The following ZZEF1 variants were observed in gnomAD, a reference collection of about 807,000 sequenced individuals.
ZZEF1 encodes zinc finger ZZ-type and EF-hand domain containing 1.
A neutral mutation model predicts 342.8 loss-of-function variants in ZZEF1; 157 were observed. That is an observed-to-expected ratio of 0.46 (90% confidence interval 0.40 to 0.52). The LOEUF (loss-of-function observed/expected upper bound fraction) is 0.52. Among genes scored for constraint, ZZEF1 ranks in the 20% least tolerant of loss-of-function variants. The probability of loss-of-function intolerance (pLI) is 0.00; values close to 1 mark genes in which losing one functional copy is unlikely to be tolerated. For synonymous variants in ZZEF1, 1,505 were observed against 1,429.1 expected, an observed-to-expected ratio of 1.05 and a Z score of -1.20; for missense variants, 3,480 against 3,725.6, an observed-to-expected ratio of 0.93 and a Z score of 1.72.
At chr17:4,132,195 T>G (rs570687501) in intron 1 of ZZEF1, among the ~76,000 whole-genome samples, 6 of 122,348 alleles carry the variant, frequency 4.9e-5, no homozygotes, top group Admixed American at 2.9e-4. Context: ...AAAGCCTAAA[T>G]TTTCTCTTTT....
At position 4,070,902 on chromosome 17, in the gene ZZEF1, G is replaced by C. The variant is rs908681805; in HGVS notation, c.3857C>G (p.Pro1286Arg). 6 of 1,613,914 alleles carry C rather than the reference G, an allele frequency of 3.7e-6. No homozygotes were observed. In the South Asian group the frequency reaches 4.4e-5, roughly 12 times the overall value. The change falls in exon 26 of 55, where the codon CCC (proline) becomes CGC (arginine). Residue 1286 changes from proline to arginine, a missense_variant. By Grantham distance (103) the Pro-to-Arg change is moderately radical. Coordinates refer to ENST00000381638, the MANE Select transcript of ZZEF1 (RefSeq NM_015113.4). ...SKEVKNIPDD[P>R]CRHFLLDFAQ... ...AAAATCAAGAAGAAAATGGCGGCAG[G>C]GGTCGTCAGGAATGTTCTTAACCTG...
In ZZEF1 at chr17:4,021,308, T is replaced by A; in HGVS notation, c.7225A>T (p.Met2409Leu). 6.2e-7 allele frequency: 1 copy of A among 1,606,704 alleles called. No individual in the cohort carries two copies. Among genetic ancestry groups the A allele is most frequent in the Non-Finnish European group, 8.5e-7 (1 of 1,176,106 alleles). ...LLRDLEILSI[M>L]LYSSKKEINA... ...ATCTCCTTTTTTGAGGAGTACAGCA[T>A]GATGGACAAAATCTACACAGAAAGA... The change falls in exon 45 of 55, where the codon ATG (methionine) becomes TTG (leucine). Residue 2409 changes from methionine to leucine, a missense_variant. This residue lies in a region of ZZEF1 where 1,269 missense variants were observed against 1,342.4 expected (regional missense o/e 0.95). Transcript: ENST00000381638.
chr17:4,132,753 T>C (rs1178707724), intron 1 of ZZEF1, among the ~76,000 whole-genome samples: 31 of 97,154 alleles, frequency 3.2e-4, no homozygotes, highest in Admixed American at 1.1e-3. Flanking sequence ...GATCACGAAG[T>C]CAGGAGATCA....
At chr17:4,133,158 T>C (rs897275283) in intron 1 of ZZEF1, among the ~76,000 whole-genome samples, 1 of 152,204 alleles carries the variant, frequency 6.6e-6, no homozygotes, top group African/African-American at 2.4e-5. Flanking sequence ...ACAGCTATCA[T>C]TCATTCAGTT....
intron 38 of ZZEF1, among the ~76,000 whole-genome samples, chr17:4,042,978 G>A (rs375109758): frequency 4.6e-5 from 7 of 152,146 alleles, no homozygotes; most frequent in South Asian, 2.1e-4. Context: ...CACTGCTCCC[G>A]GCCTAAAGCT....
In ZZEF1 at chr17:4,142,956, T is replaced by G. The variant is rs1050221828; in HGVS notation, c.-61A>C. 2 of 1,293,852 alleles carry G rather than the reference T, an allele frequency of 1.5e-6. No individual in the cohort carries two copies. The highest frequency in any genetic ancestry group is 2.0e-6 in the Non-Finnish European group (2 of 1,024,532). The allele number at this position is 1,293,852 out of a possible 1,614,324, so 80.1% of individuals were successfully genotyped here. A position where few individuals can be genotyped will look rare whatever the true frequency, so the allele number is the denominator to read the frequency against. On this transcript the variant is annotated 5_prime_UTR_variant, in exon 1 of 55. Transcript: ENST00000381638. ...CCGCCGCCGCCTCCCCGCCTCGACC[T>G]GTCAACCTCCGACAGCAGCTGGCGG... is the stretch of plus-strand genomic sequence containing the variant.
chr17:4,070,570 A>T lies in ZZEF1; in HGVS notation c.4075+114T>A, dbSNP rs2057488472. ...GTAGAACCAACAAGATGATGTTTAC[A>T]GTTATAGAAATGTGTTTATATTTTA... is the stretch of plus-strand genomic sequence containing the variant. On this transcript the variant is annotated intron_variant, in intron 26 of 54. Transcript: ENST00000381638. 6 of 1,230,246 alleles carry T rather than the reference A, an allele frequency of 4.9e-6. No individual in the cohort carries two copies. In the Admixed American group the frequency reaches 8.4e-5, roughly 17 times the overall value. 76.2% of individuals were successfully genotyped at this position (1,230,246 alleles called of 1,614,324 possible). A position where few individuals can be genotyped will look rare whatever the true frequency, so the allele number is the denominator to read the frequency against.
In ZZEF1 at chr17:4,034,115, C is replaced by T. The variant is rs1162933698; in HGVS notation, c.6484G>A (p.Ala2162Thr). The change falls in exon 40 of 55, where the codon GCC becomes ACC. Residue 2162 changes from alanine (A) to threonine (T), a missense_variant. This residue lies in a region of ZZEF1 where 1,269 missense variants were observed against 1,342.4 expected (regional missense o/e 0.95). Coordinates refer to ENST00000381638, the MANE Select transcript of ZZEF1 (RefSeq NM_015113.4). ...VDAAVIKVLSAKHNLFAAGDS... is the reference protein window; with the variant it reads ...VDAAVIKVLSTKHNLFAAGDS... ...CCTGCAGCAAACAGGTTGTGTTTGG[C>T]TGAGAGGACTTTGATCACTGCGGCG... The T allele has an allele frequency of 6.2e-7, 1 of 1,614,176 alleles. No homozygotes were observed. The highest frequency in any genetic ancestry group is 1.7e-5 in the Admixed American group (1 of 60,024).
At chr17:4,135,358 C>G (rs947266558) in intron 1 of ZZEF1, among the ~76,000 whole-genome samples, 1 of 152,096 alleles carries the variant, frequency 6.6e-6, no homozygotes, top group African/African-American at 2.4e-5. Flanking sequence ...CACCTGTAGT[C>G]CCAGCTACTC....
chr17:4,067,045 T>C, intron 27 of ZZEF1, 118 bp downstream of exon 27: 1 of 815,870 alleles, frequency 1.2e-6, no homozygotes, highest in East Asian at 2.8e-5. Context: ...TCACTAAACT[T>C]TAGCTTAACA....
chr17:4,081,820 T>A (rs1438545604), intron 17 of ZZEF1, among the ~76,000 whole-genome samples: 2 of 146,888 alleles, frequency 1.4e-5, no homozygotes, highest in African/African-American at 5.0e-5. Context: ...ACGTTCCTTG[T>A]GTCTTCACAT....
Position 4,087,353 on chromosome 17 carries a change from A to C in ZZEF1, c.2342+81T>G, listed in dbSNP as rs1239061851. The C allele has an allele frequency of 2.6e-6, 3 of 1,166,668 alleles. No homozygotes were observed. In the Admixed American group the frequency reaches 7.5e-5, roughly 29 times the overall value. The allele number at this position is 1,166,668 out of a possible 1,614,324, so 72.3% of individuals were successfully genotyped here. On this transcript the variant is annotated intron_variant, in intron 14 of 54. Coordinates refer to ENST00000381638, the MANE Select transcript of ZZEF1 (RefSeq NM_015113.4). ...ACTGGTAGGAAGTAAAAAAAAAATT[A>C]GGAAAAAAATCCACTTAGAATAGTA...
chr17:4,055,714 G>A (rs1394115767), intron 33 of ZZEF1, among the ~76,000 whole-genome samples: 4 of 152,204 alleles, frequency 2.6e-5, no homozygotes, highest in African/African-American at 7.2e-5. Flanking sequence ...AATGAGTCTA[G>A]TTCTACGGCA....
chr17:4,093,520 C>T (rs1269225614), intron 11 of ZZEF1, among the ~76,000 whole-genome samples: 1 of 152,154 alleles, frequency 6.6e-6, no homozygotes, highest in African/African-American at 2.4e-5. Context: ...GCAAGAAGAG[C>T]GAATTATTCG....
intron 39 of ZZEF1, among the ~76,000 whole-genome samples, chr17:4,036,459 G>A (rs1210333851): frequency 6.6e-6 from 1 of 152,032 alleles, no homozygotes; most frequent in Non-Finnish European, 1.5e-5. Context: ...CTAAGGCCGG[G>A]CGCGGTGGCT....
Position 4,088,767 on chromosome 17 carries a change from G to A in ZZEF1, c.2152C>T (p.His718Tyr), listed in dbSNP as rs920165045. The change falls in exon 13 of 55, where the codon CAC (histidine) becomes TAC (tyrosine). Residue 718 changes from histidine (H) to tyrosine (Y), a missense_variant. His to Tyr is a moderately conservative substitution (Grantham distance 83, BLOSUM62 2). This residue lies in a region of ZZEF1 where 1,528 missense variants were observed against 1,624.1 expected (regional missense o/e 0.94). Transcript: ENST00000381638. The part of the protein sequence containing the change: ...AEAEQSVTCA[H>Y]CRKDTEESVC... ...CTCTCCTCTGTGTCCTTTCTGCAGT[G>A]TGCACAGGTGACGCTCTGTTCTGCT... 2 of 1,614,234 alleles carry A rather than the reference G, an allele frequency of 1.2e-6. No individual in the cohort carries two copies. Among genetic ancestry groups the A allele is most frequent in the Non-Finnish European group, 1.7e-6 (2 of 1,180,044 alleles).
chr17:4,125,666 A>G (rs2058562062), intron 1 of ZZEF1, among the ~76,000 whole-genome samples: 1 of 152,214 alleles, frequency 6.6e-6, no homozygotes, highest in Non-Finnish European at 1.5e-5. Context: ...GACCCAATCA[A>G]GAAAGGTGAG....
At chr17:4,041,280 T>A (rs530095288) in intron 39 of ZZEF1, among the ~76,000 whole-genome samples, 33 of 147,326 alleles carry the variant, frequency 2.2e-4, no homozygotes, top group Non-Finnish European at 3.8e-4. Flanking sequence ...GGGATTTCCA[T>A]ACCAAGAGGG....
Position 4,034,136 on chromosome 17 carries a change from C to A in ZZEF1, c.6463G>T (p.Ala2155Ser). The A allele has an allele frequency of 1.2e-6, 2 of 1,614,146 alleles. No individual in the cohort carries two copies. The highest frequency in any genetic ancestry group is 1.7e-6 in the Non-Finnish European group (2 of 1,180,046). ...IRLLPAEVDAAVIKVLSAKHN... is the reference protein window; with the variant it reads ...IRLLPAEVDASVIKVLSAKHN... ...TTGGCTGAGAGGACTTTGATCACTG[C>A]GGCGTCTACCTCTGCTGGCAAAAGA... The change falls in exon 40 of 55, where the codon GCA becomes TCA. Residue 2155 changes from alanine to serine, a missense_variant. Ala to Ser is a moderately conservative substitution (Grantham distance 99). Around this residue, in one of 5 missense-constraint regions of ZZEF1, gnomAD observed 1,269 missense variants for 1,342.4 expected, o/e 0.95. Coordinates refer to ENST00000381638, the MANE Select transcript of ZZEF1 (RefSeq NM_015113.4).
Sources: allele counts gnomAD v4.1 joint callset (sites outside exome capture counted in the v4.1 genomes callset), GRCh38; gene constraint gnomAD v4.1.1; regional missense constraint gnomAD v4.1.1; transcripts MANE v1.5; gene names NCBI Gene and HGNC (gene_info 2026-07-23, HGNC 2026-07-21).